The following NRG1 variants were observed in gnomAD, a reference collection of about 807,000 sequenced individuals.
NRG1 encodes the protein pro-neuregulin-1, membrane-bound isoform.
In NRG1, 18 loss-of-function variants were observed where a neutral mutation model predicts 63.8. The observed-to-expected ratio is 0.28, with a 90% CI of 0.19 to 0.42. The LOEUF is 0.42. Among genes scored for constraint, NRG1 ranks in the 10% least tolerant of loss-of-function variants. The pLI, the probability that NRG1 is intolerant of heterozygous loss-of-function variation, is 1.00. For synonymous variants in NRG1, 302 were observed against 301.3 expected, an observed-to-expected ratio of 1.00 and a Z score of -0.02; for missense variants, 762 against 814.7, an observed-to-expected ratio of 0.94 and a Z score of 0.79.
At chr8:32,571,120 T>C (rs1440227128) in intron 1 of NRG1, among the ~76,000 whole-genome samples, 1 of 152,184 alleles carries the variant, frequency 6.6e-6, no homozygotes, top group Non-Finnish European at 1.5e-5. Flanking sequence ...TGTTATAGTC[T>C]TCATAAATAT....
At chr8:32,690,963 G>A (rs1267464968) in intron 5 of NRG1, among the ~76,000 whole-genome samples, 10 of 151,460 alleles carry the variant, frequency 6.6e-5, no homozygotes, top group African/African-American at 2.4e-4. Flanking sequence ...GTGTGTGTGT[G>A]TGTGTGTGTG....
chr8:31,738,496 T>A (rs1380923442), intron 1 of NRG1, among the ~76,000 whole-genome samples: 1 of 152,130 alleles, frequency 6.6e-6, no homozygotes, highest in Admixed American at 6.6e-5. Flanking sequence ...TAGGCTTTTC[T>A]GAACTGGGTA....
chr8:32,566,138 C>T (rs1306493565), intron 1 of NRG1, among the ~76,000 whole-genome samples: 1 of 151,974 alleles, frequency 6.6e-6, no homozygotes, highest in Non-Finnish European at 1.5e-5. Flanking sequence ...GGGTGGATCA[C>T]CTGAGGTCAG....
intron 1 of NRG1, among the ~76,000 whole-genome samples, chr8:31,803,449 A>C (rs1049996011): frequency 6.6e-6 from 1 of 152,224 alleles, no homozygotes; most frequent in African/African-American, 2.4e-5. Context: ...TCCTAATTCA[A>C]GTAAGCTTAG....
chr8:32,183,683 A>G (rs978481068), intron 1 of NRG1, among the ~76,000 whole-genome samples: 1 of 152,208 alleles, frequency 6.6e-6, no homozygotes, highest in South Asian at 2.1e-4. Context: ...TTAATCTCAA[A>G]TTAGAGTCCT....
chr8:32,271,515 TC>T (rs2129472456), intron 1 of NRG1, among the ~76,000 whole-genome samples: 1 of 152,288 alleles, frequency 6.6e-6, no homozygotes, highest in Non-Finnish European at 1.5e-5. Flanking sequence ...AAAATTTTTT[TC>T]AAGTGAGTTG....
intron 1 of NRG1, among the ~76,000 whole-genome samples, chr8:32,047,097 T>C (rs1305095379): frequency 1.3e-5 from 2 of 152,016 alleles, no homozygotes; most frequent in African/African-American, 4.8e-5. Context: ...TCACTCACTT[T>C]AGTTTTTCTC....
chr8:31,924,260 C>A (rs1834151064), intron 1 of NRG1, among the ~76,000 whole-genome samples: 2 of 151,632 alleles, frequency 1.3e-5, no homozygotes, highest in African/African-American at 4.8e-5. Flanking sequence ...GAGGCTGAGG[C>A]AGGTCGCTTG....
intron 1 of NRG1, among the ~76,000 whole-genome samples, chr8:32,328,083 A>T (rs1416514307): frequency 1.3e-5 from 2 of 152,216 alleles, no homozygotes; most frequent in African/African-American, 4.8e-5. Flanking sequence ...AGCATGGCAG[A>T]CACAGAATGT....
intron 1 of NRG1, chr8:32,221,071 C>T (rs1845761973): frequency 6.6e-6 from 1 of 152,048 alleles, no homozygotes; most frequent in Non-Finnish European, 1.5e-5. Flanking sequence ...TTTTAACCTA[C>T]ACTCAATGGA....
chr8:31,674,174 AC>A (rs1364647708), intron 1 of NRG1, among the ~76,000 whole-genome samples: 1 of 152,184 alleles, frequency 6.6e-6, no homozygotes, highest in Admixed American at 6.5e-5. Flanking sequence ...TTATCCATTT[AC>A]CAGTTAATGG....
intron 3 of NRG1, among the ~76,000 whole-genome samples, chr8:32,613,399 T>C (rs1222600108): frequency 6.6e-6 from 1 of 152,060 alleles, no homozygotes; most frequent in African/African-American, 2.4e-5. Flanking sequence ...GCTTCAGAGT[T>C]TGAAGAAATA....
At chr8:32,447,046 C>T (rs1297120274) in intron 1 of NRG1, among the ~76,000 whole-genome samples, 4 of 110,728 alleles carry the variant, frequency 3.6e-5, no homozygotes, top group Non-Finnish European at 5.9e-5. Flanking sequence ...CAGAGTCTTG[C>T]ACTATTGTGC....
At chr8:32,506,164 G>T (rs1200769715) in intron 1 of NRG1, among the ~76,000 whole-genome samples, 1 of 152,178 alleles carries the variant, frequency 6.6e-6, no homozygotes, top group Non-Finnish European at 1.5e-5. Context: ...CAGGATGATT[G>T]TTTGACCCTG....
intron 1 of NRG1, among the ~76,000 whole-genome samples, chr8:32,254,542 G>C (rs1425023004): frequency 6.6e-6 from 1 of 152,162 alleles, no homozygotes; most frequent in Non-Finnish European, 1.5e-5. Context: ...TGGTCAAAGA[G>C]ACTGTTATGA....
At chr8:32,242,789 G>A (rs528991606) in intron 1 of NRG1, among the ~76,000 whole-genome samples, 22 of 152,200 alleles carry the variant, frequency 1.4e-4, no homozygotes, top group East Asian at 5.8e-4. Context: ...CAGTTTATGC[G>A]ATGCATACTG....
chr8:31,793,166 T>G (rs1382443943), intron 1 of NRG1, among the ~76,000 whole-genome samples: 1 of 152,144 alleles, frequency 6.6e-6, no homozygotes, highest in Non-Finnish European at 1.5e-5. Context: ...TTTTTCAAAA[T>G]GTAAGGATTA....
intron 1 of NRG1, among the ~76,000 whole-genome samples, chr8:31,947,027 G>A (rs1363781932): frequency 6.6e-6 from 1 of 152,196 alleles, no homozygotes; most frequent in Non-Finnish European, 1.5e-5. Flanking sequence ...ATGGCCGGGC[G>A]CGGTGGCTCA....
intron 1 of NRG1, among the ~76,000 whole-genome samples, chr8:32,464,130 G>A (rs139601429): frequency 0.011 from 1,705 of 151,644 alleles, 31 homozygotes; most frequent in African/African-American, 0.039. Context: ...TCCTGACCTC[G>A]TGATCCTCCC....
Sources: gnomAD v4.1 joint callset for allele counts (sites outside exome capture counted in the v4.1 genomes callset) on GRCh38, gnomAD v4.1.1 for gene constraint, MANE v1.5 for transcripts, NCBI Gene and HGNC (gene_info 2026-07-23, HGNC 2026-07-21) for gene names.